Variants in PDCD7 observed in about 807,000 individuals in gnomAD.
PDCD7 encodes the protein programmed cell death 7.
Under a neutral mutation model 42.1 loss-of-function variants are expected in PDCD7, and 40 were observed. That is an observed-to-expected ratio of 0.95 (90% CI 0.74 to 1.24). PDCD7 has a LOEUF of 1.24. Ranked by LOEUF, PDCD7 falls within the 50% of genes most tolerant of loss-of-function variation. The pLI is 0.00. For missense variants in PDCD7, 644 were observed against 662.8 expected (o/e 0.97, Z 0.31); for synonymous variants, 299 against 303.3 (o/e 0.99, Z 0.15).
At position 65,133,005 on chromosome 15, in the gene PDCD7, C is replaced by T. The variant is rs1248596675; in HGVS notation, c.777G>A (p.Glu259=). Residue 259 remains glutamate (E), a synonymous_variant, in exon 1 of 5, where the codon GAG becomes GAA. Coordinates refer to ENST00000204549, the MANE Select transcript of PDCD7 (RefSeq NM_005707.2). ...LRERAREREA[E]REAEAARAVE... ...CTGCCCGCGCGGCCTCTGCCTCCCG[C>T]TCGGCCTCGCGTTCCCGGGCCCTCT... The T allele has an allele frequency of 1.4e-5, 22 of 1,603,396 alleles. No homozygotes were observed. The highest frequency in any genetic ancestry group is 1.8e-5 in the Non-Finnish European group (21 of 1,179,362).
chr15:65,132,180 A>G lies in PDCD7; in HGVS notation c.870+732T>C, dbSNP rs578031341. On this transcript the variant is annotated intron_variant, in intron 1 of 4. Coordinates refer to ENST00000204549, the MANE Select transcript of PDCD7 (RefSeq NM_005707.2). ...CGAAACACCATTGCTGAACCTGGGG[A>G]TACATGGTTTAAAACTTGTAAACAA... Among the ~76,000 whole-genome samples, 35 of 151,044 alleles carry G rather than the reference A, an allele frequency of 2.3e-4. No homozygotes were observed. The East Asian group carries it at 6.8e-3, about 29-fold the overall frequency.
chr15:65,131,248 T>C lies in PDCD7; in HGVS notation c.870+1664A>G, dbSNP rs182110227. On this transcript the variant is annotated intron_variant, in intron 1 of 4. Transcript: ENST00000204549. ...GAAGGGATCTAGGTTGTGGGCTCCT[T>C]ATGAGAATCTAAAGCCTGATGATTT... Among the ~76,000 whole-genome samples the C allele has an allele frequency of 3.3e-5, 5 of 152,294 alleles. No individual in the cohort carries two copies. The East Asian group carries it at 7.7e-4, about 23-fold the overall frequency.
chr15:65,130,799 C>T (rs1467273201), intron 1 of PDCD7, among the ~76,000 whole-genome samples: 3 of 151,274 alleles, frequency 2.0e-5, no homozygotes, highest in African/African-American at 4.9e-5. Context: ...GCCAAGACGG[C>T]ATCACTGCAC....
At chr15:65,132,884 T>G (rs749549329) in intron 1 of PDCD7, 28 bp downstream of exon 1, 14 of 1,600,116 alleles carry the variant, frequency 8.7e-6, no homozygotes, top group Non-Finnish European at 1.2e-5. Context: ...CCACCACTCC[T>G]ACCCCCATGA....
At position 65,133,774 on chromosome 15, in the gene PDCD7, A is replaced by C. The variant is rs2087565451; in HGVS notation, c.8T>G (p.Leu3Arg). 7.4e-7 allele frequency: 1 copy of C among 1,355,896 alleles called. No homozygotes were observed. The highest frequency in any genetic ancestry group is 3.0e-5 in the East Asian group (1 of 33,046). The allele number at this position is 1,355,896 out of a possible 1,614,324, so 84.0% of individuals were successfully genotyped here. A position where few individuals can be genotyped will look rare whatever the true frequency, so the allele number is the denominator to read the frequency against. The change falls in exon 1 of 5, where the codon CTG becomes CGG. Residue 3 changes from leucine to arginine, a missense_variant. Transcript: ENST00000204549. ...GCGACCCTGGCCGAAGAATGGTGGC[A>C]GGGCCATGTTCACGACGGAGATGCT... The part of the protein sequence containing the change: MA[L>R]PPFFGQGRPG...
At chr15:65,126,586 T>C (rs1343114640) in intron 2 of PDCD7, among the ~76,000 whole-genome samples, 1 of 151,860 alleles carries the variant, frequency 6.6e-6, no homozygotes, top group East Asian at 1.9e-4. Flanking sequence ...AAACTCTATC[T>C]CTACAAAAAA....
rs1018852682 is a variant in PDCD7 at position 65,132,150 on chromosome 15, T to C, written c.870+762A>G. Among the ~76,000 whole-genome samples, 13 of 148,436 alleles carry C rather than the reference T, an allele frequency of 8.8e-5. No homozygotes were observed. In the East Asian group the frequency reaches 2.6e-3, roughly 29 times the overall value. The stretch of plus-strand genomic sequence containing the variant: ...TATATATATATATATATATAGTAAA[T>C]GCTCCGAAACACCATTGCTGAACCT... On this transcript the variant is annotated intron_variant, in intron 1 of 4. Coordinates refer to ENST00000204549, the MANE Select transcript of PDCD7 (RefSeq NM_005707.2).
chr15:65,129,619 T>C (rs758773921), intron 1 of PDCD7, among the ~76,000 whole-genome samples: 2 of 152,226 alleles, frequency 1.3e-5, no homozygotes, highest in Non-Finnish European at 2.9e-5. Context: ...TGTGTTCCAC[T>C]GCTCTAAAGT....
chr15:65,121,218 C>T (rs1028311498), intron 2 of PDCD7, among the ~76,000 whole-genome samples: 3 of 151,930 alleles, frequency 2.0e-5, no homozygotes, highest in Non-Finnish European at 2.9e-5. Context: ...CCAACACACC[C>T]GGCTAATTTT....
intron 3 of PDCD7, 78 bp downstream of exon 3, chr15:65,119,640 T>G (rs766663803): frequency 2.4e-4 from 349 of 1,482,046 alleles, no homozygotes; most frequent in Middle Eastern, 3.5e-4. Context: ...CTACCACCTC[T>G]TAGCTTGAGA....
intron 2 of PDCD7, among the ~76,000 whole-genome samples, chr15:65,126,176 T>G (rs1388392020): frequency 6.6e-6 from 1 of 152,186 alleles, no homozygotes; most frequent in Admixed American, 6.5e-5. Flanking sequence ...CTTGCCACTT[T>G]CCAGAAGGAA....
At chr15:65,126,036 T>C (rs2087493255) in intron 2 of PDCD7, among the ~76,000 whole-genome samples, 2 of 152,134 alleles carry the variant, frequency 1.3e-5, no homozygotes, top group Non-Finnish European at 2.9e-5. Flanking sequence ...CCTGTCCCCA[T>C]GATTCAATTA....
rs1397462646 is a variant in PDCD7 at position 65,118,853 on chromosome 15, A to G, written c.1335-13T>C. ...ATCCCAATCATGCCTTAATAAGAACATTATAGAACAACTATTTATTTCTGT... is the reference window on the plus strand; with the variant it reads ...ATCCCAATCATGCCTTAATAAGAACGTTATAGAACAACTATTTATTTCTGT... On this transcript the variant is annotated splice_polypyrimidine_tract_variant and intron_variant, in intron 4 of 4. Transcript: ENST00000204549. The G allele has an allele frequency of 1.9e-6, 3 of 1,539,998 alleles. No individual in the cohort carries two copies. The highest frequency in any genetic ancestry group is 2.8e-5 in the African/African-American group (2 of 71,732).
chr15:65,129,300 T>C, intron 1 of PDCD7, 130 bp from the exon 2 acceptor site: 1 of 1,036,366 alleles, frequency 9.6e-7, no homozygotes, highest in Admixed American at 2.3e-5. Context: ...TGAATCTCCA[T>C]CCCAATTTCT....
At chr15:65,128,705 G>A (rs959913808) in intron 2 of PDCD7, among the ~76,000 whole-genome samples, 1 of 152,204 alleles carries the variant, frequency 6.6e-6, no homozygotes, top group African/African-American at 2.4e-5. Flanking sequence ...CTTTCACTCT[G>A]GCACAAGGCA....
chr15:65,132,827 C>G, intron 1 of PDCD7, 85 bp downstream of exon 1: 9 of 1,571,016 alleles, frequency 5.7e-6, no homozygotes, highest in Non-Finnish European at 7.7e-6. Flanking sequence ...AGGCTTAGCC[C>G]TGGGAAATGG....
Position 65,133,284 on chromosome 15 carries a change from A to G in PDCD7, c.498T>C (p.His166=). 2.3e-6 allele frequency: 3 copies of G among 1,321,778 alleles called. No homozygotes were observed. Among genetic ancestry groups the G allele is most frequent in the Non-Finnish European group, 1.9e-6 (2 of 1,042,354 alleles). 81.9% of individuals were successfully genotyped at this position (1,321,778 alleles called of 1,614,324 possible). A position where few individuals can be genotyped will look rare whatever the true frequency, so the allele number is the denominator to read the frequency against. ...RAGCPVPQRT[H]AGPSLGEVRA... is the part of the protein sequence containing the mutation. ...GCACTTCGCCAAGGCTGGGCCCGGCATGCGTGCGCTGGGGCACCGGACAGC... is the reference window on the plus strand; with the variant it reads ...GCACTTCGCCAAGGCTGGGCCCGGCGTGCGTGCGCTGGGGCACCGGACAGC... Residue 166 remains histidine, a synonymous_variant, in exon 1 of 5, where the codon CAT becomes CAC. Transcript: ENST00000204549.
At chr15:65,119,678 T>C (rs1447306994) in intron 3 of PDCD7, 40 bp downstream of exon 3, 2 of 1,577,332 alleles carry the variant, frequency 1.3e-6, no homozygotes. Flanking sequence ...AGCGTCAATC[T>C]AGTATTTTCA....
In PDCD7 at chr15:65,133,593, C is replaced by T. The variant is rs915318419; in HGVS notation, c.189G>A (p.Gln63=). The stretch of plus-strand genomic sequence containing the variant: ...GGGAGGCCTCCGCGGAGGCTCGGGG[C>T]TGCAGAGCCAGCGGAGGCTGAAGGA... The part of the protein sequence containing the change: ...APFLQPPLAL[Q]PRASAEASRG... The change falls in exon 1 of 5, where the codon CAG becomes CAA. Residue 63 remains glutamine, a synonymous_variant. Coordinates refer to ENST00000204549, the MANE Select transcript of PDCD7 (RefSeq NM_005707.2). 1.3e-4 allele frequency: 157 copies of T among 1,235,870 alleles called. No individual in the cohort carries two copies. The Middle Eastern group carries it at 2.2e-3, about 17-fold the overall frequency. The allele number at this position is 1,235,870 out of a possible 1,614,324, so 76.6% of individuals were successfully genotyped here. A position where few individuals can be genotyped will look rare whatever the true frequency, so the allele number is the denominator to read the frequency against.
Sources: gnomAD v4.1 joint callset for allele counts (sites outside exome capture counted in the v4.1 genomes callset) on GRCh38, gnomAD v4.1.1 for gene constraint, MANE v1.5 for transcripts, NCBI Gene and HGNC (gene_info 2026-07-23, HGNC 2026-07-21) for gene names.